Variants in TYR observed in about 807,000 individuals in gnomAD.
TYR encodes tyrosinase.
In TYR, 58 loss-of-function variants were observed where a neutral mutation model predicts 51.5. The ratio of observed to expected loss-of-function variants is 1.13; its 90% CI spans 0.91 to 1.40. The LOEUF (loss-of-function observed/expected upper bound fraction) is 1.40, where lower values mean the gene tolerates loss of function less well. TYR is among the 40% of genes most tolerant of loss of function. The pLI, the probability that TYR is intolerant of heterozygous loss-of-function variation, is 0.00. For synonymous variants in TYR, 263 were observed against 235.2 expected, an observed-to-expected ratio of 1.12 and a Z score of -1.08; for missense variants, 732 against 647.4, an observed-to-expected ratio of 1.13 and a Z score of -1.42.
intron 3 of TYR, among the ~76,000 whole-genome samples, chr11:89,245,863 A>G (rs533105342): frequency 1.1e-4 from 16 of 151,884 alleles, no homozygotes; most frequent in Middle Eastern, 3.4e-3. Flanking sequence ...GGAGCTTGCA[A>G]TGAGCCAAGA....
chr11:89,291,737 AC>A (rs1175113451), intron 4 of TYR, among the ~76,000 whole-genome samples: 2 of 152,096 alleles, frequency 1.3e-5, no homozygotes, highest in Middle Eastern at 3.4e-3. Context: ...AGCTACTGTA[AC>A]CCTTTTACCT....
intron 1 of TYR, among the ~76,000 whole-genome samples, chr11:89,186,937 T>C (rs1403017045): frequency 2.6e-5 from 4 of 152,154 alleles, no homozygotes; most frequent in Non-Finnish European, 5.9e-5. Flanking sequence ...GAGAAAAGGT[T>C]TCCTCTGCAA....
At chr11:89,262,847 CA>C (rs771958187) in intron 3 of TYR, among the ~76,000 whole-genome samples, 60 of 19,296 alleles carry the variant, frequency 3.1e-3, no homozygotes, top group East Asian at 7.6e-3. Context: ...GCTACTCATC[CA>C]AAAAAAAAAA....
At chr11:89,214,861 G>A (rs570210383) in intron 2 of TYR, among the ~76,000 whole-genome samples, 9 of 152,218 alleles carry the variant, frequency 5.9e-5, no homozygotes, top group Admixed American at 2.6e-4. Flanking sequence ...CATCAAACAT[G>A]CCTCATTTTG....
chr11:89,202,266 C>T (rs942792106), intron 2 of TYR, among the ~76,000 whole-genome samples: 1 of 152,060 alleles, frequency 6.6e-6, no homozygotes, highest in Non-Finnish European at 1.5e-5. Flanking sequence ...TCTCTGGTGG[C>T]TGTTGAGGTT....
intron 3 of TYR, among the ~76,000 whole-genome samples, chr11:89,271,751 G>A (rs1429161477): frequency 6.6e-6 from 1 of 151,884 alleles, no homozygotes; most frequent in Non-Finnish European, 1.5e-5. Context: ...TGCAAATATG[G>A]AGTCAATCCT....
At chr11:89,207,832 A>G (rs1943692282) in intron 2 of TYR, among the ~76,000 whole-genome samples, 1 of 152,212 alleles carries the variant, frequency 6.6e-6, no homozygotes, top group Non-Finnish European at 1.5e-5. Context: ...CCCTTTCAAT[A>G]CCAATATCCT....
At chr11:89,212,931 A>G (rs1227740554) in intron 2 of TYR, among the ~76,000 whole-genome samples, 1 of 152,174 alleles carries the variant, frequency 6.6e-6, no homozygotes, top group African/African-American at 2.4e-5. Context: ...GTATTGATGG[A>G]ACGTATCTCA....
chr11:89,204,373 T>G (rs899366661), intron 2 of TYR, among the ~76,000 whole-genome samples: 1 of 151,482 alleles, frequency 6.6e-6, no homozygotes, highest in Non-Finnish European at 1.5e-5. Context: ...TGGAGCTGAG[T>G]CAGAGAAAGC....
At chr11:89,217,600 A>G (rs570606795) in intron 2 of TYR, among the ~76,000 whole-genome samples, 2 of 152,292 alleles carry the variant, frequency 1.3e-5, no homozygotes, top group East Asian at 1.9e-4. Context: ...CCAGGAGTTA[A>G]GGGAAAGTGG....
chr11:89,264,559 T>C (rs563845218), intron 3 of TYR, among the ~76,000 whole-genome samples: 2 of 152,016 alleles, frequency 1.3e-5, no homozygotes, highest in South Asian at 2.1e-4. Context: ...AGCAATTCTA[T>C]TACTGAGTAT....
chr11:89,193,264 A>G (rs563749253), intron 2 of TYR, among the ~76,000 whole-genome samples: 1 of 152,234 alleles, frequency 6.6e-6, no homozygotes, highest in East Asian at 1.9e-4. Flanking sequence ...ATATTTTATT[A>G]TTAAGAAGCA....
chr11:89,290,880 T>C (rs990778587), intron 4 of TYR, among the ~76,000 whole-genome samples: 1 of 151,992 alleles, frequency 6.6e-6, no homozygotes, highest in Non-Finnish European at 1.5e-5. Context: ...TCTATATGCA[T>C]TATAGAGAGC....
Position 89,216,148 on chromosome 11 carries a change from T to G in TYR, c.1037-11675T>G, listed in dbSNP as rs1943829651. ...AAAGCTTATGAACCTGGTGAAAGCT[T>G]ATGAACCTGGAATTGTGACTTTAGT... On this transcript the variant is annotated intron_variant, in intron 2 of 4. Coordinates refer to ENST00000263321, the MANE Select transcript of TYR (RefSeq NM_000372.5). Among the ~76,000 whole-genome samples, 4 of 152,286 alleles carry G rather than the reference T, an allele frequency of 2.6e-5. No individual in the cohort carries two copies. In the South Asian group the frequency reaches 8.3e-4, roughly 32 times the overall value.
chr11:89,244,486 C>T (rs1944239438), intron 3 of TYR, among the ~76,000 whole-genome samples: 2 of 152,214 alleles, frequency 1.3e-5, no homozygotes, highest in South Asian at 2.1e-4. Flanking sequence ...TGGTAATTCT[C>T]TGCATGGAAT....
At chr11:89,186,413 C>T (rs977092070) in intron 1 of TYR, among the ~76,000 whole-genome samples, 2 of 152,050 alleles carry the variant, frequency 1.3e-5, no homozygotes, top group African/African-American at 4.8e-5. Flanking sequence ...TCCTGCAGAC[C>T]TTTTGTTCTT....
chr11:89,188,219 C>T (rs567979809), intron 1 of TYR, among the ~76,000 whole-genome samples: 3 of 151,738 alleles, frequency 2.0e-5, no homozygotes, highest in South Asian at 4.2e-4. Context: ...ATGAATAAGG[C>T]AATATGGTAT....
intron 3 of TYR, among the ~76,000 whole-genome samples, chr11:89,241,702 A>G (rs1323413398): frequency 6.7e-6 from 1 of 149,432 alleles, no homozygotes; most frequent in Non-Finnish European, 1.5e-5. Context: ...AATTATATAA[A>G]GTATTGCAGT....
chr11:89,247,839 A>G (rs533512254), intron 3 of TYR, among the ~76,000 whole-genome samples: 1 of 152,272 alleles, frequency 6.6e-6, no homozygotes, highest in South Asian at 2.1e-4. Flanking sequence ...AAGCAGCATG[A>G]CTGTAGGATA....
Sources: gnomAD v4.1 joint callset for allele counts (sites outside exome capture counted in the v4.1 genomes callset) on GRCh38, gnomAD v4.1.1 for gene constraint, MANE v1.5 for transcripts, NCBI Gene and HGNC (gene_info 2026-07-23, HGNC 2026-07-21) for gene names.